DPF3: variants seen among roughly 807,000 people sequenced by gnomAD.
DPF3 encodes the protein zinc finger protein DPF3.
DPF3 carries 18 observed loss-of-function variants against 56.8 expected under a neutral mutation model. The ratio of observed to expected loss-of-function variants is 0.32; its 90% CI spans 0.22 to 0.47. DPF3 has a LOEUF of 0.47. DPF3 is among the 20% of genes least tolerant of loss of function. The probability of loss-of-function intolerance (pLI) is 1.00; values close to 1 mark genes in which losing one functional copy is unlikely to be tolerated. For missense variants in DPF3, 403 were observed against 488.8 expected, an observed-to-expected ratio of 0.82 and a Z score of 1.65; for synonymous variants, 188 against 180.2, an observed-to-expected ratio of 1.04 and a Z score of -0.35.
chr14:72,820,672 G>A (rs1883491556), intron 1 of DPF3, among the ~76,000 whole-genome samples: 1 of 152,174 alleles, frequency 6.6e-6, no homozygotes, highest in Non-Finnish European at 1.5e-5. Flanking sequence ...AATAAACAAA[G>A]ATGAATGATC....
chr14:72,767,727 A>G (rs1891344820), intron 2 of DPF3, among the ~76,000 whole-genome samples: 1 of 150,712 alleles, frequency 6.6e-6, no homozygotes, highest in African/African-American at 2.4e-5. Flanking sequence ...GAAGTATTCA[A>G]AGAAATAATG....
At chr14:72,866,560 T>TA (rs780003160) in intron 1 of DPF3, among the ~76,000 whole-genome samples, 1 of 150,472 alleles carries the variant, frequency 6.6e-6, no homozygotes, top group South Asian at 2.1e-4. Flanking sequence ...TTCTCATCGA[T>TA]AAAAAAGTTA....
intron 1 of DPF3, among the ~76,000 whole-genome samples, chr14:72,859,212 G>A (rs577000279): frequency 2.0e-5 from 3 of 152,302 alleles, no homozygotes; most frequent in African/African-American, 7.2e-5. Context: ...CTGGCTCTGA[G>A]TTGCAAGTTG....
chr14:72,670,959 CAA>C (rs1886644555), intron 8 of DPF3: 1 of 1,350,432 alleles, frequency 7.4e-7, no homozygotes, highest in Non-Finnish European at 9.4e-7. Context: ...TGTACATACC[CAA>C]AACAGAGGGG....
intron 1 of DPF3, among the ~76,000 whole-genome samples, chr14:72,883,067 G>T (rs756473196): frequency 2.6e-5 from 4 of 152,216 alleles, no homozygotes; most frequent in Admixed American, 6.5e-5. Flanking sequence ...GAGAGTTCTC[G>T]TTGTGCTCAA....
intron 6 of DPF3, among the ~76,000 whole-genome samples, chr14:72,701,216 G>A (rs1888146662): frequency 6.6e-6 from 1 of 152,174 alleles, no homozygotes; most frequent in African/African-American, 2.4e-5. Flanking sequence ...CCACCCCTGG[G>A]ACCAGTCAGC....
chr14:72,670,431 C>T (rs1490332597), intron 8 of DPF3: 38 of 985,800 alleles, frequency 3.9e-5, no homozygotes, highest in Non-Finnish European at 4.2e-5. Context: ...ATAGGCACCC[C>T]GACTTCTCTG....
At chr14:72,755,123 G>A (rs1890739590) in intron 2 of DPF3, among the ~76,000 whole-genome samples, 1 of 152,206 alleles carries the variant, frequency 6.6e-6, no homozygotes, top group Non-Finnish European at 1.5e-5. Flanking sequence ...TGGGCCTTAG[G>A]TTTCCTTCGT....
At chr14:72,769,325 A>T (rs1430763480) in intron 2 of DPF3, among the ~76,000 whole-genome samples, 1 of 152,104 alleles carries the variant, frequency 6.6e-6, no homozygotes, top group Non-Finnish European at 1.5e-5. Flanking sequence ...ATGAGCTTGA[A>T]ATATTTCATC....
chr14:72,811,974 C>T (rs1280204308), intron 1 of DPF3, among the ~76,000 whole-genome samples: 1 of 152,048 alleles, frequency 6.6e-6, no homozygotes, highest in Non-Finnish European at 1.5e-5. Context: ...TGTTTTCTTT[C>T]AGCCTGTCTT....
chr14:72,629,075 A>C (rs898542662), intron 9 of DPF3, among the ~76,000 whole-genome samples: 2 of 152,182 alleles, frequency 1.3e-5, no homozygotes, highest in Non-Finnish European at 2.9e-5. Flanking sequence ...AGACGACTGG[A>C]TGTTTGATTG....
At chr14:72,670,445 C>G in intron 8 of DPF3, 8 of 985,960 alleles carry the variant, frequency 8.1e-6, no homozygotes, top group Non-Finnish European at 9.6e-6. Flanking sequence ...TTCTCTGGAA[C>G]TACTGACATT....
intron 1 of DPF3, among the ~76,000 whole-genome samples, chr14:72,813,212 CA>C (rs956973122): frequency 6.6e-6 from 1 of 151,912 alleles, no homozygotes; most frequent in Non-Finnish European, 1.5e-5. Flanking sequence ...GTTCAGGGGA[CA>C]AAAAATAGGG....
intron 1 of DPF3, among the ~76,000 whole-genome samples, chr14:72,830,623 G>C (rs926461833): frequency 7.9e-5 from 12 of 152,118 alleles, no homozygotes; most frequent in Non-Finnish European, 1.6e-4. Context: ...GACGCACTTA[G>C]CATGTGACCA....
intron 9 of DPF3, among the ~76,000 whole-genome samples, chr14:72,628,557 C>T (rs181754756): frequency 3.6e-4 from 55 of 152,072 alleles, no homozygotes; most frequent in African/African-American, 1.2e-3. Flanking sequence ...ATAGATGCTA[C>T]CTTTACAAAA....
intron 3 of DPF3, among the ~76,000 whole-genome samples, chr14:72,743,021 G>A (rs761285496): frequency 6.6e-6 from 1 of 152,142 alleles, no homozygotes; most frequent in Non-Finnish European, 1.5e-5. Flanking sequence ...TGTCGTCTTC[G>A]GGGTGCATGC....
At chr14:72,646,972 G>T (rs956829432) in intron 8 of DPF3, among the ~76,000 whole-genome samples, 3 of 152,184 alleles carry the variant, frequency 2.0e-5, no homozygotes, top group African/African-American at 7.2e-5. Flanking sequence ...GACACACTTG[G>T]AGACCCTCTG....
At chr14:72,893,032 G>C (rs543975993) in intron 1 of DPF3, among the ~76,000 whole-genome samples, 1 of 150,824 alleles carries the variant, frequency 6.6e-6, no homozygotes, top group East Asian at 2.0e-4. Flanking sequence ...AGGATGAAAA[G>C]GAGGAGGAAG....
chr14:72,841,687 C>T (rs17121465), intron 1 of DPF3, among the ~76,000 whole-genome samples: 9,023 of 152,206 alleles, frequency 0.059, 800 homozygotes, highest in African/African-American at 0.2. Flanking sequence ...GTTACAGCAA[C>T]TTGAATGAAT....
Sources: gnomAD v4.1 joint callset for allele counts (sites outside exome capture counted in the v4.1 genomes callset) on GRCh38, gnomAD v4.1.1 for gene constraint, MANE v1.5 for transcripts, NCBI Gene and HGNC (gene_info 2026-07-23, HGNC 2026-07-21) for gene names.